Variants in FCF1 observed in about 807,000 individuals in gnomAD.
The protein encoded by FCF1 is rRNA-processing protein FCF1 homolog.
A neutral mutation model predicts 32.5 loss-of-function variants in FCF1; 17 were observed. The observed-to-expected ratio is 0.52, with a 90% confidence interval of 0.36 to 0.78. The LOEUF (loss-of-function observed/expected upper bound fraction) is 0.78. Among genes scored for constraint, FCF1 ranks in the 30% least tolerant of loss-of-function variants. FCF1 has a pLI of 0.00. For synonymous variants in FCF1, 84 were observed against 78.4 expected (o/e 1.07, Z -0.38); for missense variants, 201 against 241.1 (o/e 0.83, Z 1.10).
chr14:74,732,041 A>G (rs1374173324), intron 5 of FCF1, among the ~76,000 whole-genome samples: 1 of 152,226 alleles, frequency 6.6e-6, no homozygotes, highest in African/African-American at 2.4e-5. Context: ...TCATACCCCA[A>G]GAGTGACAAC....
At chr14:74,720,974 G>A (rs2090494039) in intron 4 of FCF1, among the ~76,000 whole-genome samples, 1 of 150,788 alleles carries the variant, frequency 6.6e-6, no homozygotes. Context: ...TGCCTCCCGG[G>A]TTCAAGCAAT....
At chr14:74,731,272 T>C (rs956047200) in intron 5 of FCF1, among the ~76,000 whole-genome samples, 1 of 152,166 alleles carries the variant, frequency 6.6e-6, no homozygotes, top group African/African-American at 2.4e-5. Context: ...AAAGATTTTT[T>C]TGTCTTAAGG....
Position 74,736,942 on chromosome 14 carries a change from A to G in FCF1, c.*2012A>G, listed in dbSNP as rs1318120206. ...GTCATGGGCACATAAAGGTGGAATG[A>G]TTTTTTTCTACTGGTTGGGATGGAG... On this transcript the variant is annotated 3_prime_UTR_variant, in exon 8 of 8. Coordinates refer to ENST00000341162, the MANE Select transcript of FCF1 (RefSeq NM_015962.5). The G allele has an allele frequency of 1.3e-5, 2 of 152,198 alleles. No individual in the cohort carries two copies. Among genetic ancestry groups the G allele is most frequent in the East Asian group, 3.9e-4 (2 of 5,186 alleles). The allele number at this position is 152,198 out of a possible 1,614,324, so 9.4% of individuals were successfully genotyped here.
At chr14:74,715,012 A>G (rs1322470910) in intron 3 of FCF1, 69 bp downstream of exon 3, 10 of 1,488,862 alleles carry the variant, frequency 6.7e-6, no homozygotes, top group Non-Finnish European at 7.2e-6. Context: ...GCTTTCCCTG[A>G]GCTGGTTTGC....
At chr14:74,722,290 C>T (rs1470195911) in intron 4 of FCF1, among the ~76,000 whole-genome samples, 2 of 151,996 alleles carry the variant, frequency 1.3e-5, no homozygotes, top group South Asian at 2.1e-4. Flanking sequence ...TCAGGTGATC[C>T]GCCTGCCTCA....
At chr14:74,719,218 C>G (rs1330978458) in intron 4 of FCF1, among the ~76,000 whole-genome samples, 1 of 150,534 alleles carries the variant, frequency 6.6e-6, no homozygotes, top group Non-Finnish European at 1.5e-5. Context: ...TCACTTGAGC[C>G]TGGGAGGCTG....
rs1489124002 is a variant in FCF1 at position 74,713,224 on chromosome 14, G to A, written c.3+24G>A. On this transcript the variant is annotated intron_variant, in intron 1 of 7. Coordinates refer to ENST00000341162, the MANE Select transcript of FCF1 (RefSeq NM_015962.5). ...TGGTGAGAGAAGACGGTCCAAGAAG[G>A]GACGTTATCAGGCCACTTTTTGGGT... The A allele has an allele frequency of 6.2e-6, 10 of 1,614,076 alleles. No individual in the cohort carries two copies. In the East Asian group the frequency reaches 6.7e-5, roughly 11 times the overall value.
chr14:74,718,117 G>A (rs944949750), intron 4 of FCF1, among the ~76,000 whole-genome samples: 22 of 152,064 alleles, frequency 1.4e-4, no homozygotes, highest in African/African-American at 4.3e-4. Flanking sequence ...CACCCACCTC[G>A]GCCTCCCGAA....
intron 4 of FCF1, among the ~76,000 whole-genome samples, chr14:74,722,987 T>G (rs934971640): frequency 2.6e-5 from 4 of 151,992 alleles, no homozygotes; most frequent in Non-Finnish European, 5.9e-5. Context: ...ATAAATAATT[T>G]TTTTCCCATC....
chr14:74,730,656 A>G (rs1215668629), intron 5 of FCF1, among the ~76,000 whole-genome samples: 7 of 152,188 alleles, frequency 4.6e-5, no homozygotes, highest in African/African-American at 1.4e-4. Flanking sequence ...AGAGGCTGCA[A>G]TGAGCCAAGA....
chr14:74,734,848 T>C lies in FCF1; in HGVS notation c.549-34T>C, dbSNP rs374445784. On this transcript the variant is annotated intron_variant, in intron 7 of 7. Coordinates refer to ENST00000341162, the MANE Select transcript of FCF1 (RefSeq NM_015962.5). ...TTTTTAGATGGGTTCTCTTCCCATC[T>C]TTCTTACCGGTGTTGATTTTTTGTC... The C allele has an allele frequency of 2.1e-5, 33 of 1,597,638 alleles. No individual in the cohort carries two copies. In the African/African-American group the frequency reaches 3.4e-4, roughly 16 times the overall value.
intron 5 of FCF1, among the ~76,000 whole-genome samples, chr14:74,728,130 A>G (rs1178293665): frequency 1.3e-5 from 2 of 152,256 alleles, no homozygotes; most frequent in East Asian, 1.9e-4. Context: ...GTTTTTTCCA[A>G]TTATGTGAAG....
At chr14:74,714,183 G>A (rs2090378978) in intron 2 of FCF1, among the ~76,000 whole-genome samples, 1 of 152,212 alleles carries the variant, frequency 6.6e-6, no homozygotes, top group South Asian at 2.1e-4. Flanking sequence ...GCCGGGCGCA[G>A]TGGCTCACGC....
At chr14:74,719,746 C>T (rs931443971) in intron 4 of FCF1, among the ~76,000 whole-genome samples, 6 of 151,876 alleles carry the variant, frequency 4.0e-5, no homozygotes, top group Non-Finnish European at 7.4e-5. Context: ...GCCTGGGTGA[C>T]GGAACAAGAA....
At chr14:74,733,712 C>A (rs779605400) in intron 6 of FCF1, among the ~76,000 whole-genome samples, 2 of 152,096 alleles carry the variant, frequency 1.3e-5, no homozygotes, top group Non-Finnish European at 2.9e-5. Context: ...CAAATTAAGG[C>A]ACTTTTTATC....
At chr14:74,721,038 C>A (rs1200882332) in intron 4 of FCF1, among the ~76,000 whole-genome samples, 1 of 150,384 alleles carries the variant, frequency 6.6e-6, no homozygotes, top group Admixed American at 6.7e-5. Flanking sequence ...CCACCACACC[C>A]ACCTAATTTT....
chr14:74,723,138 G>A (rs1420205021), intron 4 of FCF1, 134 bp from the exon 5 acceptor site: 5 of 648,366 alleles, frequency 7.7e-6, no homozygotes, highest in Middle Eastern at 3.8e-4. Flanking sequence ...AGTTCTTCTT[G>A]TATATTTCAG....
intron 5 of FCF1, among the ~76,000 whole-genome samples, chr14:74,728,400 CTG>C (rs1323153644): frequency 1.3e-5 from 2 of 152,060 alleles, no homozygotes; most frequent in African/African-American, 4.8e-5. Context: ...ATTTGGCTCT[CTG>C]TTTGTCTGTT....
chr14:74,730,199 G>A (rs1156605973), intron 5 of FCF1, among the ~76,000 whole-genome samples: 1 of 141,704 alleles, frequency 7.1e-6, no homozygotes, highest in Non-Finnish European at 1.5e-5. Context: ...ATAGATATGT[G>A]TATATGCTTT....
Sources: allele counts gnomAD v4.1 joint callset (sites outside exome capture counted in the v4.1 genomes callset), GRCh38; gene constraint gnomAD v4.1.1; transcripts MANE v1.5; gene names NCBI Gene and HGNC (gene_info 2026-07-23, HGNC 2026-07-21).